The following WDR70 variants were observed in gnomAD, a reference collection of about 807,000 sequenced individuals.
WDR70 encodes the protein WD repeat-containing protein 70.
WDR70 carries 53 observed loss-of-function variants against 88.6 expected under a neutral mutation model. The ratio of observed to expected loss-of-function variants is 0.60; its 90% confidence interval spans 0.48 to 0.75. The LOEUF is 0.75. WDR70 is among the 30% of genes least tolerant of loss of function. The pLI is 0.00. For synonymous variants in WDR70, 280 were observed against 270.0 expected (o/e 1.04, Z -0.36); for missense variants, 610 against 823.2 (o/e 0.74, Z 3.17).
chr5:37,680,735 T>C (rs1746403084), intron 10 of WDR70, among the ~76,000 whole-genome samples: 1 of 152,194 alleles, frequency 6.6e-6, no homozygotes, highest in Non-Finnish European at 1.5e-5. Context: ...TTCTAGGTTC[T>C]CTATTCTGTT....
At chr5:37,663,097 A>G (rs1312190994) in intron 10 of WDR70, among the ~76,000 whole-genome samples, 1 of 152,226 alleles carries the variant, frequency 6.6e-6, no homozygotes, top group Non-Finnish European at 1.5e-5. Context: ...TTGAAACAAT[A>G]CAGTCCTCAT....
At chr5:37,394,880 A>G (rs1182987846) in intron 4 of WDR70, among the ~76,000 whole-genome samples, 2 of 152,238 alleles carry the variant, frequency 1.3e-5, no homozygotes, top group African/African-American at 4.8e-5. Flanking sequence ...TTGCTAGTTC[A>G]TATACCTCTG....
intron 8 of WDR70, among the ~76,000 whole-genome samples, chr5:37,499,893 T>C (rs954152217): frequency 6.6e-6 from 1 of 152,188 alleles, no homozygotes; most frequent in Non-Finnish European, 1.5e-5. Flanking sequence ...TTAAAAATTC[T>C]AACAAATTCT....
At chr5:37,394,889 T>C (rs1748961558) in intron 4 of WDR70, among the ~76,000 whole-genome samples, 1 of 152,248 alleles carries the variant, frequency 6.6e-6, no homozygotes, top group Non-Finnish European at 1.5e-5. Context: ...CATATACCTC[T>C]GTTTAAGGGT....
chr5:37,472,929 G>A (rs1240119549), intron 7 of WDR70, among the ~76,000 whole-genome samples: 2 of 151,998 alleles, frequency 1.3e-5, no homozygotes, highest in South Asian at 2.1e-4. Context: ...CGTAGGATAG[G>A]TACATGTTTA....
chr5:37,441,343 T>C (rs1431360655), intron 6 of WDR70, among the ~76,000 whole-genome samples: 2 of 152,218 alleles, frequency 1.3e-5, no homozygotes, highest in Admixed American at 1.3e-4. Flanking sequence ...AGAGTTCATG[T>C]CTAATTTTAA....
intron 10 of WDR70, among the ~76,000 whole-genome samples, chr5:37,612,488 A>G (rs965109434): frequency 1.1e-4 from 16 of 152,094 alleles, no homozygotes; most frequent in Non-Finnish European, 1.9e-4. Context: ...TGTTATGAGG[A>G]TTGTATTAGG....
chr5:37,553,060 T>G (rs1742190353), intron 9 of WDR70, among the ~76,000 whole-genome samples: 2 of 152,198 alleles, frequency 1.3e-5, no homozygotes, highest in Non-Finnish European at 2.9e-5. Flanking sequence ...CAGTAAGTCC[T>G]ATTGTCAATT....
intron 9 of WDR70, among the ~76,000 whole-genome samples, chr5:37,517,672 A>T (rs1295536129): frequency 6.6e-6 from 1 of 151,032 alleles, no homozygotes; most frequent in African/African-American, 2.4e-5. Context: ...AGACCCTAAA[A>T]TTTTTTTATT....
chr5:37,545,018 TAC>T (rs1741943417), intron 9 of WDR70, among the ~76,000 whole-genome samples: 1 of 152,202 alleles, frequency 6.6e-6, no homozygotes. Context: ...AAACAAAGTA[TAC>T]AGTTTCCTAC....
intron 7 of WDR70, among the ~76,000 whole-genome samples, chr5:37,450,489 A>T (rs1039056875): frequency 6.6e-6 from 1 of 152,180 alleles, no homozygotes; most frequent in Admixed American, 6.5e-5. Flanking sequence ...TTCTAACTCT[A>T]ATCCAGTACT....
chr5:37,533,457 T>TCACCAC (rs35578229), intron 9 of WDR70, among the ~76,000 whole-genome samples: 4,286 of 141,238 alleles, frequency 0.03, 156 homozygotes, highest in African/African-American at 0.073. Context: ...AACAAAACAA[T>TCACCAC]CACCACCACC....
chr5:37,743,511 C>T (rs1001031041), intron 17 of WDR70, among the ~76,000 whole-genome samples: 9 of 152,220 alleles, frequency 5.9e-5, no homozygotes, highest in Admixed American at 5.2e-4. Flanking sequence ...AACTGCCTAA[C>T]ACGCTAAGCT....
intron 10 of WDR70, among the ~76,000 whole-genome samples, chr5:37,617,900 CTG>C (rs1744390228): frequency 6.6e-6 from 1 of 152,150 alleles, no homozygotes; most frequent in African/African-American, 2.4e-5. Context: ...GGTGAAAACA[CTG>C]TGTACAAAAC....
chr5:37,689,014 C>T (rs899351285), intron 10 of WDR70, among the ~76,000 whole-genome samples: 10 of 152,222 alleles, frequency 6.6e-5, no homozygotes, highest in Admixed American at 2.6e-4. Flanking sequence ...TCTTAGCAAC[C>T]GGCAGATAAG....
At chr5:37,556,581 AT>A (rs1742300647) in intron 9 of WDR70, among the ~76,000 whole-genome samples, 1 of 152,028 alleles carries the variant, frequency 6.6e-6, no homozygotes, top group African/African-American at 2.4e-5. Flanking sequence ...TCATCTCCAC[AT>A]TTTTCAATAG....
Position 37,455,560 on chromosome 5 carries a change from G to A in WDR70, c.686+12188G>A, listed in dbSNP as rs568444791. Reference sequence around the variant, plus strand: ...CCTTATCCTGATTTGTTTTTTGGGAGTATAGGCTATTTAGCTTTGGCTCTC... The same window carrying A: ...CCTTATCCTGATTTGTTTTTTGGGAATATAGGCTATTTAGCTTTGGCTCTC... On this transcript the variant is annotated intron_variant, in intron 7 of 17. Transcript: ENST00000265107. Among the ~76,000 whole-genome samples, 148 of 148,682 alleles carry A rather than the reference G, an allele frequency of 1.0e-3. 1 individual carries two copies. The Middle Eastern group carries it at 0.014, about 14-fold the overall frequency.
intron 5 of WDR70, among the ~76,000 whole-genome samples, chr5:37,405,973 G>A (rs1581253913): frequency 6.6e-6 from 1 of 152,184 alleles, no homozygotes; most frequent in Non-Finnish European, 1.5e-5. Flanking sequence ...AGCCTGGGAA[G>A]TCAAAGTTGC....
intron 10 of WDR70, among the ~76,000 whole-genome samples, chr5:37,685,982 A>T (rs1746580540): frequency 6.6e-6 from 1 of 152,162 alleles, no homozygotes; most frequent in Non-Finnish European, 1.5e-5. Flanking sequence ...GGAGCGTGCC[A>T]GTCATCCTGG....
Sources: gnomAD v4.1 joint callset for allele counts (sites outside exome capture counted in the v4.1 genomes callset) on GRCh38, gnomAD v4.1.1 for gene constraint, MANE v1.5 for transcripts, NCBI Gene and HGNC (gene_info 2026-07-23, HGNC 2026-07-21) for gene names.